GAN: variants seen among roughly 807,000 people sequenced by gnomAD.
GAN encodes the protein gigaxonin, also known as epididymis secretory sperm binding protein.
In GAN, 48 loss-of-function variants were observed where a neutral mutation model predicts 71.3. The observed-to-expected ratio is 0.67, with a 90% CI of 0.53 to 0.86. The LOEUF is 0.86. Ranked by LOEUF, GAN falls within the 40% of genes least tolerant of loss-of-function variation. The pLI is 0.00. For missense variants in GAN, 928 were observed against 770.1 expected, an observed-to-expected ratio of 1.21 and a Z score of -2.43; for synonymous variants, 386 against 276.8, an observed-to-expected ratio of 1.39 and a Z score of -3.92.
Position 81,389,600 on chromosome 16 carries a change from TGTGA to T in GAN, c.*12010_*12013del, listed in dbSNP as rs1904506469. On this transcript the variant is annotated 3_prime_UTR_variant, in exon 11 of 11. Coordinates refer to ENST00000648994, the MANE Select transcript of GAN (RefSeq NM_022041.4). ...AGTGACAGTGATGTCTGTACCTATC[TGTGA>T]GTGAGACCCATTCATGACACACTAG... is the stretch of plus-strand genomic sequence containing the variant. 6.6e-6 allele frequency: 1 copy of T among 152,258 alleles called. No individual in the cohort carries two copies. The highest frequency in any genetic ancestry group is 1.5e-5 in the Non-Finnish European group (1 of 68,044). 9.4% of individuals were successfully genotyped at this position (152,258 alleles called of 1,614,324 possible). A position where few individuals can be genotyped will look rare whatever the true frequency, so the allele number is the denominator to read the frequency against.
At position 81,385,654 on chromosome 16, in the gene GAN, A is replaced by T. The variant is rs1321200577; in HGVS notation, c.*8058A>T. On this transcript the variant is annotated 3_prime_UTR_variant, in exon 11 of 11. Coordinates refer to ENST00000648994, the MANE Select transcript of GAN (RefSeq NM_022041.4). ...CATGGGGTGGTGGGAGGCCCTGTGG[A>T]TGAGGCCAAGGCTGCCTGCACTGAG... 6.6e-6 allele frequency: 1 copy of T among 152,144 alleles called. No homozygotes were observed. Among genetic ancestry groups the T allele is most frequent in the Non-Finnish European group, 1.5e-5 (1 of 68,132 alleles). The allele number at this position is 152,144 out of a possible 1,614,324, so 9.4% of individuals were successfully genotyped here.
intron 1 of GAN, among the ~76,000 whole-genome samples, chr16:81,316,979 C>T (rs1166979273): frequency 1.3e-5 from 2 of 152,158 alleles, no homozygotes; most frequent in Non-Finnish European, 2.9e-5. Flanking sequence ...CTGCCTCAGC[C>T]TCCCGAGTAG....
At chr16:81,321,946 C>T (rs1001664406) in intron 1 of GAN, among the ~76,000 whole-genome samples, 15 of 152,140 alleles carry the variant, frequency 9.9e-5, no homozygotes, top group Non-Finnish European at 2.2e-4. Flanking sequence ...GTAAAGGTGG[C>T]AGCTCTGGCT....
intron 1 of GAN, among the ~76,000 whole-genome samples, chr16:81,348,037 G>C (rs1910178191): frequency 6.6e-6 from 1 of 151,880 alleles, no homozygotes. Context: ...AAAAAAAATA[G>C]AGGTGGGGTG....
intron 1 of GAN, among the ~76,000 whole-genome samples, chr16:81,337,044 A>G (rs528089527): frequency 6.6e-6 from 1 of 152,246 alleles, no homozygotes; most frequent in Admixed American, 6.5e-5. Context: ...CTATTACAGT[A>G]TCACCCAGAG....
At chr16:81,377,353 T>G in intron 10 of GAN, 25 bp downstream of exon 10, 17 of 1,589,642 alleles carry the variant, frequency 1.1e-5, no homozygotes, top group Non-Finnish European at 1.5e-5. Flanking sequence ...GTGATTTTCT[T>G]GGAACTGTTT....
chr16:81,350,200 C>T (rs191234976), intron 1 of GAN, among the ~76,000 whole-genome samples: 50 of 151,978 alleles, frequency 3.3e-4, no homozygotes, highest in African/African-American at 1.1e-3. Flanking sequence ...GAAAAATGAA[C>T]AAGAAACATG....
At chr16:81,340,598 A>T (rs868378585) in intron 1 of GAN, among the ~76,000 whole-genome samples, 5 of 152,086 alleles carry the variant, frequency 3.3e-5, no homozygotes, top group African/African-American at 7.3e-5. Context: ...CAACATCAAC[A>T]AAAAGGACAT....
In GAN at chr16:81,354,406, T is replaced by A; in HGVS notation, c.284T>A (p.Ile95Asn). 6.3e-7 allele frequency: 1 copy of A among 1,597,028 alleles called. No individual in the cohort carries two copies. Among genetic ancestry groups the A allele is most frequent in the Non-Finnish European group, 8.6e-7 (1 of 1,164,354 alleles). Residue 95 changes from isoleucine (I) to asparagine (N), a missense_variant and splice_region_variant, in exon 3 of 11, where the codon ATC becomes AAC. Coordinates refer to ENST00000648994, the MANE Select transcript of GAN (RefSeq NM_022041.4). The stretch of plus-strand genomic sequence containing the variant: ...AAGATAATTATGCTACTTTTTTAGA[T>A]CAGGCTAAATGAAGATACAATCCAA... ...EILDYIFSGQ[I>N]RLNEDTIQDV...
intron 1 of GAN, among the ~76,000 whole-genome samples, chr16:81,343,051 A>G (rs1321169371): frequency 6.6e-6 from 1 of 152,256 alleles, no homozygotes; most frequent in Non-Finnish European, 1.5e-5. Context: ...ATTCCTGGAC[A>G]CATACACCCT....
rs535238570 is a variant in GAN, at chr16:81,325,066, G to A, written c.167+9786G>A. On this transcript the variant is annotated intron_variant, in intron 1 of 10. Coordinates refer to ENST00000648994, the MANE Select transcript of GAN (RefSeq NM_022041.4). ...CCAGGCAGGGATGGCTCCCAGGCAC[G>A]GATGCTCCCAGGCATGCTGTTGGCT... 8.7e-4 allele frequency among the ~76,000 whole-genome samples: 133 copies of A among 152,200 alleles called. 1 individual carries two copies. Among genetic ancestry groups the A allele is most frequent in the African/African-American group, 2.8e-3 (115 of 41,546 alleles).
In GAN at chr16:81,364,986, G is replaced by T. The variant is rs755102150; in HGVS notation, c.1249G>T (p.Ala417Ser). The change falls in exon 8 of 11, where the codon GCA becomes TCA. Residue 417 changes from alanine to serine, a missense_variant. By Grantham distance (99) the Ala-to-Ser change is moderately conservative. Transcript: ENST00000648994. ...TCTCTGCTTTCAGATCGGCTGCTAT[G>T]CAGCTATGAAAAAGAAAATCTACGC... ...LTMVRKIGCY[A>S]AMKKKIYAMG... 1 of 1,614,054 alleles carries T rather than the reference G, an allele frequency of 6.2e-7. No homozygotes were observed. Among genetic ancestry groups the T allele is most frequent in the Non-Finnish European group, 8.5e-7 (1 of 1,179,946 alleles).
intron 1 of GAN, among the ~76,000 whole-genome samples, chr16:81,344,383 A>G (rs1364546781): frequency 6.6e-6 from 1 of 152,212 alleles, no homozygotes; most frequent in African/African-American, 2.4e-5. Flanking sequence ...ACAAGGCTGC[A>G]GTAACCAAAA....
At chr16:81,366,982 G>T (rs967237345) in intron 9 of GAN, among the ~76,000 whole-genome samples, 2 of 152,004 alleles carry the variant, frequency 1.3e-5, no homozygotes, top group African/African-American at 4.8e-5. Context: ...ATGCCACCAT[G>T]CCTGGCTAAT....
At chr16:81,321,085 ACTC>A (rs1909207808) in intron 1 of GAN, among the ~76,000 whole-genome samples, 1 of 152,166 alleles carries the variant, frequency 6.6e-6, no homozygotes, top group African/African-American at 2.4e-5. Context: ...AACACAGATT[ACTC>A]ATGTCAGTTT....
chr16:81,317,048 G>T (rs1010698363), intron 1 of GAN, among the ~76,000 whole-genome samples: 5 of 151,980 alleles, frequency 3.3e-5, no homozygotes, highest in African/African-American at 7.2e-5. Context: ...TAGTAGAGTC[G>T]GGGTTTTACC....
At chr16:81,320,977 T>G (rs923182127) in intron 1 of GAN, among the ~76,000 whole-genome samples, 3 of 152,010 alleles carry the variant, frequency 2.0e-5, no homozygotes, top group African/African-American at 7.3e-5. Flanking sequence ...TCTTACTGAG[T>G]TTTTCAAAAG....
chr16:81,375,961 A>G (rs111384773), intron 9 of GAN, among the ~76,000 whole-genome samples: 1 of 146,288 alleles, frequency 6.8e-6, no homozygotes, highest in African/African-American at 2.5e-5. Context: ...GTGACAGAGT[A>G]AGACCCTGTC....
chr16:81,350,950 AG>A (rs1159897290), intron 1 of GAN, among the ~76,000 whole-genome samples: 1 of 152,268 alleles, frequency 6.6e-6, no homozygotes. Context: ...CACAGCAGAA[AG>A]AACTAAAGAA....
Sources: gnomAD v4.1 joint callset for allele counts (sites outside exome capture counted in the v4.1 genomes callset) on GRCh38, gnomAD v4.1.1 for gene constraint, MANE v1.5 for transcripts, NCBI Gene and HGNC (gene_info 2026-07-23, HGNC 2026-07-21) for gene names.